Variants in MAPKAP1 observed in about 807,000 individuals in gnomAD.
MAPKAP1 encodes the protein MAPK associated protein 1.
Under a neutral mutation model 65.7 loss-of-function variants are expected in MAPKAP1, and 20 were observed. The observed-to-expected ratio is 0.30, with a 90% confidence interval of 0.21 to 0.44. The LOEUF (loss-of-function observed/expected upper bound fraction) is 0.44, where lower values mean the gene tolerates loss of function less well. MAPKAP1 is among the 20% of genes least tolerant of loss of function. The pLI is 1.00. For synonymous variants in MAPKAP1, 222 were observed against 244.3 expected (o/e 0.91, Z 0.85); for missense variants, 423 against 648.0 (o/e 0.65, Z 3.77).
chr9:125,640,765 C>T (rs894934361), intron 4 of MAPKAP1, among the ~76,000 whole-genome samples: 1 of 152,332 alleles, frequency 6.6e-6, no homozygotes, highest in African/African-American at 2.4e-5. Context: ...TGGTAAGTAA[C>T]AGAACCCTGG....
At chr9:125,603,040 A>G (rs1037981919) in intron 4 of MAPKAP1, among the ~76,000 whole-genome samples, 3 of 149,862 alleles carry the variant, frequency 2.0e-5, no homozygotes, top group Non-Finnish European at 4.5e-5. Context: ...GACTACAGGA[A>G]CACCACCACA....
At chr9:125,487,312 T>A (rs552180377) in intron 8 of MAPKAP1, among the ~76,000 whole-genome samples, 8 of 142,178 alleles carry the variant, frequency 5.6e-5, no homozygotes, top group African/African-American at 1.9e-4. Context: ...GGATTTGGAG[T>A]TTCAAATAAT....
At chr9:125,643,831 C>T (rs944260957) in intron 4 of MAPKAP1, among the ~76,000 whole-genome samples, 1 of 152,142 alleles carries the variant, frequency 6.6e-6, no homozygotes, top group Non-Finnish European at 1.5e-5. Flanking sequence ...AATTTTTGGT[C>T]TTGCCAACAT....
At chr9:125,593,382 C>T (rs1191613580) in intron 4 of MAPKAP1, among the ~76,000 whole-genome samples, 1 of 152,102 alleles carries the variant, frequency 6.6e-6, no homozygotes, top group African/African-American at 2.4e-5. Context: ...AAGAAAAGGG[C>T]AAGGCACAGT....
chr9:125,594,791 G>A (rs1832077183), intron 4 of MAPKAP1, among the ~76,000 whole-genome samples: 1 of 152,156 alleles, frequency 6.6e-6, no homozygotes, highest in African/African-American at 2.4e-5. Flanking sequence ...GAACACAGCA[G>A]GGGTTTCATG....
At chr9:125,634,421 A>G (rs1452642548) in intron 4 of MAPKAP1, among the ~76,000 whole-genome samples, 3 of 152,220 alleles carry the variant, frequency 2.0e-5, no homozygotes, top group Non-Finnish European at 1.5e-5. Context: ...TCTAGGACTC[A>G]ATAATGAGTC....
chr9:125,663,816 A>C (rs1391469638), intron 3 of MAPKAP1, among the ~76,000 whole-genome samples: 1 of 152,156 alleles, frequency 6.6e-6, no homozygotes, highest in Non-Finnish European at 1.5e-5. Flanking sequence ...GCCCTCCTTC[A>C]AGCTGCTTTT....
At chr9:125,550,316 G>A (rs1423226039) in intron 6 of MAPKAP1, among the ~76,000 whole-genome samples, 1 of 152,196 alleles carries the variant, frequency 6.6e-6, no homozygotes, top group Non-Finnish European at 1.5e-5. Context: ...TAAGCTGAGG[G>A]GAGAACAGAG....
intron 5 of MAPKAP1, among the ~76,000 whole-genome samples, chr9:125,570,844 C>A (rs1456496721): frequency 6.6e-6 from 1 of 151,696 alleles, no homozygotes; most frequent in African/African-American, 2.4e-5. Flanking sequence ...TAAAGGGGTA[C>A]TATTCAATTT....
intron 9 of MAPKAP1, among the ~76,000 whole-genome samples, chr9:125,479,657 CCT>C (rs1186347692): frequency 5.3e-5 from 8 of 152,082 alleles, no homozygotes; most frequent in Non-Finnish European, 2.9e-5. Context: ...TCTCTCATCC[CCT>C]GACTTTCTCA....
intron 11 of MAPKAP1, among the ~76,000 whole-genome samples, chr9:125,440,203 G>A (rs61663458): frequency 0.014 from 2,084 of 152,310 alleles, 47 homozygotes; most frequent in African/African-American, 0.046. Context: ...GGCACTGCTC[G>A]GAGTGCCTTT....
At chr9:125,582,915 G>C (rs935206790) in intron 5 of MAPKAP1, among the ~76,000 whole-genome samples, 3 of 152,120 alleles carry the variant, frequency 2.0e-5, no homozygotes, top group Non-Finnish European at 2.9e-5. Flanking sequence ...TTGGCTGAGG[G>C]CTCTGATCAT....
chr9:125,485,444 A>G (rs759391013), intron 8 of MAPKAP1, among the ~76,000 whole-genome samples: 1 of 152,236 alleles, frequency 6.6e-6, no homozygotes, highest in Non-Finnish European at 1.5e-5. Context: ...CCCTGGCTCC[A>G]CGGCCTCCTG....
intron 7 of MAPKAP1, among the ~76,000 whole-genome samples, chr9:125,532,853 A>AAAG (rs758514457): frequency 6.4e-4 from 98 of 152,372 alleles, no homozygotes; most frequent in Non-Finnish European, 1.2e-3. Context: ...GTACCAGACT[A>AAAG]AAGTATTTAA....
chr9:125,652,329 CAGT>C, intron 4 of MAPKAP1: 2 of 1,006,490 alleles, frequency 2.0e-6, no homozygotes, highest in Admixed American at 4.0e-5. Flanking sequence ...AGCTATTAAC[CAGT>C]ATGTGTTAAT....
chr9:125,703,803 A>G (rs1447286194), intron 1 of MAPKAP1, among the ~76,000 whole-genome samples: 1 of 151,874 alleles, frequency 6.6e-6, no homozygotes, highest in Admixed American at 6.6e-5. Context: ...ACGTGACAGA[A>G]GTCCTTGTCA....
At chr9:125,501,495 G>C (rs1211153520) in intron 8 of MAPKAP1, among the ~76,000 whole-genome samples, 1 of 152,118 alleles carries the variant, frequency 6.6e-6, no homozygotes, top group Non-Finnish European at 1.5e-5. Flanking sequence ...GGTCTTTACT[G>C]AGTTTGGTAC....
intron 7 of MAPKAP1, among the ~76,000 whole-genome samples, chr9:125,522,084 T>C (rs1829634546): frequency 1.3e-5 from 2 of 152,226 alleles, no homozygotes; most frequent in Admixed American, 6.5e-5. Flanking sequence ...ATTCTTTGGC[T>C]AGCTTGATGC....
At chr9:125,571,855 C>T (rs987356467) in intron 5 of MAPKAP1, among the ~76,000 whole-genome samples, 2 of 152,094 alleles carry the variant, frequency 1.3e-5, no homozygotes, top group African/African-American at 4.8e-5. Context: ...GGGAGCGAGA[C>T]TCTATCTCAA....
Sources: gnomAD v4.1 joint callset for allele counts (sites outside exome capture counted in the v4.1 genomes callset) on GRCh38, gnomAD v4.1.1 for gene constraint, MANE v1.5 for transcripts, NCBI Gene and HGNC (gene_info 2026-07-23, HGNC 2026-07-21) for gene names.